Variants in SERTM1 observed in about 807,000 individuals in gnomAD.
SERTM1 encodes the protein serine rich and transmembrane domain containing 1.
A neutral mutation model predicts 5.5 loss-of-function variants in SERTM1; 1 was observed. The ratio of observed to expected loss-of-function variants is 0.18; its 90% CI spans 0.06 to 0.86. The LOEUF (loss-of-function observed/expected upper bound fraction) is 0.86, where lower values mean the gene tolerates loss of function less well. SERTM1 is among the 40% of genes least tolerant of loss of function. SERTM1 has a pLI of 0.69. For missense variants in SERTM1, 91 were observed against 122.4 expected, an observed-to-expected ratio of 0.74 and a Z score of 1.21; for synonymous variants, 52 against 55.1, an observed-to-expected ratio of 0.94 and a Z score of 0.25.
At chr13:36,677,629 A>G (rs1357926828) in intron 1 of SERTM1, among the ~76,000 whole-genome samples, 1 of 152,226 alleles carries the variant, frequency 6.6e-6, no homozygotes, top group East Asian at 1.9e-4. Context: ...AGAGACTGGA[A>G]GATGACTGAA....
intron 1 of SERTM1, among the ~76,000 whole-genome samples, chr13:36,689,241 C>A (rs1472917578): frequency 6.6e-6 from 1 of 152,058 alleles, no homozygotes; most frequent in Non-Finnish European, 1.5e-5. Context: ...CGTGGTGGCT[C>A]ATGCCTGTAA....
intron 1 of SERTM1, among the ~76,000 whole-genome samples, chr13:36,692,197 A>G (rs917712818): frequency 8.5e-5 from 13 of 152,242 alleles, no homozygotes; most frequent in Non-Finnish European, 1.9e-4. Context: ...TTCCAAGGCC[A>G]CTTAAAAGAT....
At chr13:36,686,409 C>T (rs1007803025) in intron 1 of SERTM1, among the ~76,000 whole-genome samples, 1 of 152,168 alleles carries the variant, frequency 6.6e-6, no homozygotes, top group African/African-American at 2.4e-5. Context: ...TTCCTTGGGA[C>T]AAATTATTTT....
intron 1 of SERTM1, among the ~76,000 whole-genome samples, chr13:36,675,747 C>G (rs1232776091): frequency 6.6e-6 from 1 of 152,182 alleles, no homozygotes; most frequent in Admixed American, 6.5e-5. Context: ...GCTGCCTGGT[C>G]TCAGAGCCTC....
chr13:36,686,040 T>A (rs2056738864), intron 1 of SERTM1, among the ~76,000 whole-genome samples: 1 of 152,210 alleles, frequency 6.6e-6, no homozygotes, highest in Non-Finnish European at 1.5e-5. Flanking sequence ...TGATGTAAGA[T>A]GCACATAACA....
At chr13:36,685,587 A>G (rs1450191734) in intron 1 of SERTM1, among the ~76,000 whole-genome samples, 3 of 152,196 alleles carry the variant, frequency 2.0e-5, no homozygotes, top group African/African-American at 7.2e-5. Flanking sequence ...GCATTTTGCC[A>G]TGACTAGCTT....
chr13:36,685,321 A>G (rs1450871081), intron 1 of SERTM1, among the ~76,000 whole-genome samples: 1 of 152,254 alleles, frequency 6.6e-6, no homozygotes, highest in East Asian at 1.9e-4. Context: ...TTCCTAATGA[A>G]GGACACAACG....
At chr13:36,679,736 C>G (rs1282211502) in intron 1 of SERTM1, among the ~76,000 whole-genome samples, 1 of 152,042 alleles carries the variant, frequency 6.6e-6, no homozygotes, top group Non-Finnish European at 1.5e-5. Flanking sequence ...ACATTTTTTT[C>G]TGTGTATTAA....
intron 1 of SERTM1, among the ~76,000 whole-genome samples, chr13:36,682,049 G>A (rs910154109): frequency 6.6e-6 from 1 of 152,192 alleles, no homozygotes; most frequent in Non-Finnish European, 1.5e-5. Flanking sequence ...AAAATTTAGA[G>A]AGCATTCATC....
intron 1 of SERTM1, among the ~76,000 whole-genome samples, chr13:36,675,797 C>G (rs1453404360): frequency 6.6e-6 from 1 of 152,128 alleles, no homozygotes; most frequent in African/African-American, 2.4e-5. Flanking sequence ...TGCTGGACAT[C>G]GTAGGGCCGC....
At chr13:36,686,054 T>C (rs2056739073) in intron 1 of SERTM1, among the ~76,000 whole-genome samples, 1 of 152,178 alleles carries the variant, frequency 6.6e-6, no homozygotes, top group African/African-American at 2.4e-5. Context: ...CATAACAGGA[T>C]TACTTGCTCC....
At chr13:36,676,365 T>G (rs1334246149) in intron 1 of SERTM1, among the ~76,000 whole-genome samples, 1 of 152,064 alleles carries the variant, frequency 6.6e-6, no homozygotes, top group Non-Finnish European at 1.5e-5. Context: ...CGTTCTTCTC[T>G]GGCTTACTCT....
chr13:36,690,210 C>T (rs1044360554), intron 1 of SERTM1, among the ~76,000 whole-genome samples: 3 of 152,142 alleles, frequency 2.0e-5, no homozygotes, highest in Non-Finnish European at 4.4e-5. Context: ...TCTCAATGTG[C>T]GATAGCAGAT....
intron 1 of SERTM1, among the ~76,000 whole-genome samples, chr13:36,678,743 G>A (rs1375374568): frequency 6.8e-6 from 1 of 147,980 alleles, no homozygotes; most frequent in African/African-American, 2.5e-5. Flanking sequence ...TCCACTGTGT[G>A]ACTCTTCTGT....
At chr13:36,691,519 G>C (rs192627095) in intron 1 of SERTM1, among the ~76,000 whole-genome samples, 1 of 152,134 alleles carries the variant, frequency 6.6e-6, no homozygotes, top group Non-Finnish European at 1.5e-5. Flanking sequence ...AGGGAAAGCT[G>C]GTTGACCATG....
At chr13:36,694,738 C>T (rs2056801610) in intron 1 of SERTM1, among the ~76,000 whole-genome samples, 168 bp from the exon 2 acceptor site, 1 of 152,168 alleles carries the variant, frequency 6.6e-6, no homozygotes, top group South Asian at 2.1e-4. Flanking sequence ...ATTTTTATAT[C>T]ATCATTTGTA....
intron 1 of SERTM1, among the ~76,000 whole-genome samples, chr13:36,678,884 A>G (rs1183960923): frequency 1.3e-5 from 2 of 151,920 alleles, no homozygotes; most frequent in Admixed American, 6.6e-5. Flanking sequence ...CTTAAAATGT[A>G]TCATTTACAC....
chr13:36,683,805 C>A (rs1035758740), intron 1 of SERTM1, among the ~76,000 whole-genome samples: 1 of 152,254 alleles, frequency 6.6e-6, no homozygotes, highest in East Asian at 1.9e-4. Context: ...TGAAATCCTA[C>A]GACAGGCCTA....
Position 36,694,430 on chromosome 13 carries a change from T to C in SERTM1, c.-173-476T>C, listed in dbSNP as rs117164554. Among the ~76,000 whole-genome samples, 24 of 152,350 alleles carry C rather than the reference T, an allele frequency of 1.6e-4. No homozygotes were observed. The East Asian group carries it at 4.4e-3, about 28-fold the overall frequency. On this transcript the variant is annotated intron_variant, in intron 1 of 1. Coordinates refer to ENST00000315190, the MANE Select transcript of SERTM1 (RefSeq NM_203451.3). ...TAGAATTTTCATAAACAAATCAGCA[T>C]CTTACAAACATTCGATAAAAAGCAA...
Sources: allele counts gnomAD v4.1 joint callset (sites outside exome capture counted in the v4.1 genomes callset), GRCh38; gene constraint gnomAD v4.1.1; transcripts MANE v1.5; gene names NCBI Gene and HGNC (gene_info 2026-07-23, HGNC 2026-07-21).